Variants in ELF4 observed in about 807,000 individuals in gnomAD.
ELF4 encodes the protein E74 like ETS transcription factor 4, also known as ETS-related transcription factor Elf-4.
In ELF4, 10 loss-of-function variants were observed where a neutral mutation model predicts 31.7. That is an observed-to-expected ratio of 0.32 (90% CI 0.19 to 0.54). The LOEUF (loss-of-function observed/expected upper bound fraction) is 0.54. Among genes scored for constraint, ELF4 ranks in the 20% least tolerant of loss-of-function variants. The probability of loss-of-function intolerance (pLI) is 0.95; values close to 1 mark genes in which losing one functional copy is unlikely to be tolerated. For missense variants in ELF4, 418 were observed against 522.0 expected (o/e 0.80, Z 1.94); for synonymous variants, 208 against 226.7 (o/e 0.92, Z 0.74).
chrX:130,105,478 G>C (rs1208770768), intron 1 of ELF4, among the ~76,000 whole-genome samples: 1 of 111,351 alleles, frequency 9.0e-6, no homozygotes, highest in Non-Finnish European at 1.9e-5. Flanking sequence ...GAGGGAAAAT[G>C]ATGAGTGTGT....
At position 130,081,435 on chromosome X, in the gene ELF4, A is replaced by AC; in HGVS notation, c.-106dup. On this transcript the variant is annotated 5_prime_UTR_variant, in exon 2 of 9. Coordinates refer to ENST00000308167, the MANE Select transcript of ELF4 (RefSeq NM_001421.4). Reference sequence around the variant, plus strand: ...CCAGGTACTTTGGAGCCTAGAGCCTACCCCCTGAGCTGCAGTAAAATAGGG... The same window carrying AC: ...CCAGGTACTTTGGAGCCTAGAGCCTACCCCCCTGAGCTGCAGTAAAATAGGG... 1 of 855,664 alleles carries AC rather than the reference A, an allele frequency of 1.2e-6. No individual in the cohort carries two copies. Among genetic ancestry groups the AC allele is most frequent in the South Asian group, 2.0e-5 (1 of 49,153 alleles). The allele number at this position is 855,664 out of a possible 1,213,427, so 70.5% of individuals were successfully genotyped here.
At chrX:130,102,920 AAG>A (rs1171146712) in intron 1 of ELF4, among the ~76,000 whole-genome samples, 35 of 101,036 alleles carry the variant, frequency 3.5e-4, no homozygotes, top group East Asian at 2.5e-3. Context: ...GAAAGAAAGA[AAG>A]AGAGAGAAGG....
Position 130,064,005 on chromosome X carries a change from A to ATTATTATTAT in ELF4, c.*2715_*2716insATAATAATAA, listed in dbSNP as rs1314805728. Among the ~76,000 whole-genome samples the ATTATTATTAT allele has an allele frequency of 1.5e-3, 160 of 104,533 alleles. No homozygotes were observed. In the East Asian group the frequency reaches 0.031, roughly 20 times the overall value. The allele number at this position is 104,533 out of a possible 115,157, so 90.8% of individuals were successfully genotyped here. ...TATTATTATTATTATTATTATTATTATTATTATACTTTAAGTTCTGGGATA... is the reference window on the plus strand; with the variant it reads ...TATTATTATTATTATTATTATTATTATTATTATTATTTATTATACTTTAAGTTCTGGGATA... On this transcript the variant is annotated 3_prime_UTR_variant, in exon 9 of 9. Coordinates refer to ENST00000308167, the MANE Select transcript of ELF4 (RefSeq NM_001421.4).
rs1311794404 is a variant in ELF4 at position 130,067,377 on chromosome X, T to G, written c.1336A>C (p.Ser446Arg). 8.3e-7 allele frequency: 1 copy of G among 1,211,836 alleles called. No homozygotes were observed. The highest frequency in any genetic ancestry group is 2.2e-5 in the Admixed American group (1 of 46,066). The change falls in exon 9 of 9, where the codon AGT becomes CGT. Residue 446 changes from serine (S) to arginine (R), a missense_variant. Physicochemically the swap from Ser to Arg is moderately radical, Grantham distance 110. Coordinates refer to ENST00000308167, the MANE Select transcript of ELF4 (RefSeq NM_001421.4). ...TTGAAAGTAGAGGCCGCTGGAACAC[T>G]CTGGAGAACGAGCTGAGTGGGAGCA... Reference protein sequence around the residue: ...TTAPTQLVLQSVPAASTFKDT... With the variant: ...TTAPTQLVLQRVPAASTFKDT...
At chrX:130,087,748 G>A (rs756387173) in intron 1 of ELF4, among the ~76,000 whole-genome samples, 10 of 112,318 alleles carry the variant, frequency 8.9e-5, no homozygotes, top group Non-Finnish European at 1.9e-4. Flanking sequence ...GATTACAGGC[G>A]TGAGCCACCG....
intron 2 of ELF4, among the ~76,000 whole-genome samples, chrX:130,078,797 A>G (rs1240585474): frequency 1.8e-5 from 2 of 108,499 alleles, no homozygotes; most frequent in Non-Finnish European, 3.8e-5. Context: ...ACACACACAC[A>G]CACACACACA....
At chrX:130,105,264 A>T (rs1933357071) in intron 1 of ELF4, among the ~76,000 whole-genome samples, 1 of 111,755 alleles carries the variant, frequency 8.9e-6, no homozygotes, top group South Asian at 3.7e-4. Context: ...TCTCTGAGAA[A>T]TGTTCTGGCA....
intron 1 of ELF4, among the ~76,000 whole-genome samples, chrX:130,101,549 T>C (rs990586817): frequency 9.0e-6 from 1 of 111,328 alleles, no homozygotes; most frequent in African/African-American, 3.3e-5. Flanking sequence ...TCCCAGCACT[T>C]TGGAAGGCCG....
In ELF4 at chrX:130,098,081, T is replaced by C. The variant is rs778672487; in HGVS notation, c.-210+12244A>G. 2.7e-5 allele frequency among the ~76,000 whole-genome samples: 3 copies of C among 112,022 alleles called. No homozygotes were observed. In the East Asian group the frequency reaches 8.5e-4, roughly 32 times the overall value. The stretch of plus-strand genomic sequence containing the variant: ...AGGGCCCTACCTGCTCTTTCGTCAC[T>C]ACAGGCTCCCGCAGCCTGGAGCCCC... On this transcript the variant is annotated intron_variant, in intron 1 of 8. Coordinates refer to ENST00000308167, the MANE Select transcript of ELF4 (RefSeq NM_001421.4).
At position 130,067,054 on chromosome X, in the gene ELF4, C is replaced by T; in HGVS notation, c.1659G>A (p.Gly553=). The part of the protein sequence containing the change: ...SSSYVQGMVT[G]APMEGLLVPE... Reference sequence around the variant, plus strand: ...GAACCAGCAGCCCCTCCATGGGGGCCCCCGTCACCATACCCTGAACATAGG... The same window carrying T: ...GAACCAGCAGCCCCTCCATGGGGGCTCCCGTCACCATACCCTGAACATAGG... The change falls in exon 9 of 9, where the codon GGG becomes GGA. Residue 553 remains glycine, a synonymous_variant. Coordinates refer to ENST00000308167, the MANE Select transcript of ELF4 (RefSeq NM_001421.4). 1 of 1,212,033 alleles carries T rather than the reference C, an allele frequency of 8.3e-7. No homozygotes were observed. The highest frequency in any genetic ancestry group is 1.1e-6 in the Non-Finnish European group (1 of 895,457).
intron 1 of ELF4, among the ~76,000 whole-genome samples, chrX:130,096,438 C>T (rs1271988723): frequency 9.0e-6 from 1 of 111,082 alleles, no homozygotes. Context: ...CCCACCTCAG[C>T]TTCCCAAAGT....
chrX:130,093,997 C>T (rs1933103995), intron 1 of ELF4, among the ~76,000 whole-genome samples: 1 of 111,140 alleles, frequency 9.0e-6, no homozygotes, highest in South Asian at 3.7e-4. Context: ...TTTGGGAGGA[C>T]GAGGTGGGTG....
At chrX:130,090,956 G>A (rs934046377) in intron 1 of ELF4, among the ~76,000 whole-genome samples, 2 of 111,217 alleles carry the variant, frequency 1.8e-5, no homozygotes, top group Non-Finnish European at 3.8e-5. Flanking sequence ...GGAACTACAC[G>A]TGCACGCCAC....
At position 130,066,517 on chromosome X, in the gene ELF4, C is replaced by T; in HGVS notation, c.*204G>A. On this transcript the variant is annotated 3_prime_UTR_variant, in exon 9 of 9. Transcript: ENST00000308167. Reference sequence around the variant, plus strand: ...GCTGCCAAAAGCATATGCCCTAGTGCTCTTGAAGGCCATAGTCTGATGCCA... The same window carrying T: ...GCTGCCAAAAGCATATGCCCTAGTGTTCTTGAAGGCCATAGTCTGATGCCA... 1 of 453,888 alleles carries T rather than the reference C, an allele frequency of 2.2e-6. No homozygotes were observed. The highest frequency in any genetic ancestry group is 3.6e-5 in the East Asian group (1 of 27,689). The allele number at this position is 453,888 out of a possible 1,213,427, so 37.4% of individuals were successfully genotyped here. A position where few individuals can be genotyped will look rare whatever the true frequency, so the allele number is the denominator to read the frequency against.
intron 1 of ELF4, among the ~76,000 whole-genome samples, chrX:130,104,220 A>C (rs1933333198): frequency 9.1e-6 from 1 of 109,514 alleles, no homozygotes; most frequent in Admixed American, 9.8e-5. Flanking sequence ...TGTTAGTACA[A>C]ATATTAACGA....
At chrX:130,075,192 C>A (rs1932822325) in intron 2 of ELF4, among the ~76,000 whole-genome samples, 1 of 111,093 alleles carries the variant, frequency 9.0e-6, no homozygotes, top group Admixed American at 9.5e-5. Flanking sequence ...TGGTCTCGAA[C>A]TCCTGACCTC....
At chrX:130,100,901 T>C (rs1297867343) in intron 1 of ELF4, among the ~76,000 whole-genome samples, 6 of 112,202 alleles carry the variant, frequency 5.3e-5, no homozygotes, top group African/African-American at 1.3e-4. Context: ...CAGGTCCTGA[T>C]AGATCTTAGG....
At chrX:130,092,838 C>T (rs761351562) in intron 1 of ELF4, among the ~76,000 whole-genome samples, 24 of 110,570 alleles carry the variant, frequency 2.2e-4, no homozygotes, top group African/African-American at 6.9e-4. Flanking sequence ...CAGGCGACAA[C>T]GGAGGGCAAA....
At chrX:130,097,213 A>T (rs758486228) in intron 1 of ELF4, among the ~76,000 whole-genome samples, 1 of 107,956 alleles carries the variant, frequency 9.3e-6, no homozygotes, top group East Asian at 2.9e-4. Flanking sequence ...TGAGGCAGGC[A>T]GATCACCTGA....
Sources: allele counts gnomAD v4.1 joint callset (sites outside exome capture counted in the v4.1 genomes callset), GRCh38; gene constraint gnomAD v4.1.1; transcripts MANE v1.5; gene names NCBI Gene and HGNC (gene_info 2026-07-23, HGNC 2026-07-21).